Variants in NCAPD3 observed in about 807,000 individuals in gnomAD.
The protein encoded by NCAPD3 is condensin-2 complex subunit D3.
A neutral mutation model predicts 182.9 loss-of-function variants in NCAPD3; 105 were observed. The ratio of observed to expected loss-of-function variants is 0.57; its 90% confidence interval spans 0.49 to 0.68. The LOEUF (loss-of-function observed/expected upper bound fraction) is 0.68. Among genes scored for constraint, NCAPD3 ranks in the 30% least tolerant of loss-of-function variants. The probability of loss-of-function intolerance (pLI) is 0.00; values close to 1 mark genes in which losing one functional copy is unlikely to be tolerated. For synonymous variants in NCAPD3, 815 were observed against 679.9 expected, an observed-to-expected ratio of 1.20 and a Z score of -3.09; for missense variants, 1,944 against 1,837.0, an observed-to-expected ratio of 1.06 and a Z score of -1.07.
Position 134,194,022 on chromosome 11 carries a change from G to A in NCAPD3, c.1818C>T (p.Leu606=). 6.2e-7 allele frequency: 1 copy of A among 1,613,416 alleles called. No homozygotes were observed. Among genetic ancestry groups the A allele is most frequent in the Non-Finnish European group, 8.5e-7 (1 of 1,179,620 alleles). ...ATAATGTCCTGCCTCTCACCATAAG[G>A]AGTTCAGTAAGAGACTGGAGGGCCT... ...RKQALQSLTE[L]LMAQPRCVQI... The change falls in exon 15 of 35, where the codon CTC becomes CTT. Residue 606 remains leucine (L), a synonymous_variant. Coordinates refer to ENST00000534548, the MANE Select transcript of NCAPD3 (RefSeq NM_015261.3).
At chr11:134,171,562 C>G (rs538147826) in intron 24 of NCAPD3, among the ~76,000 whole-genome samples, 1 of 152,276 alleles carries the variant, frequency 6.6e-6, no homozygotes, top group South Asian at 2.1e-4. Flanking sequence ...CAGGTTAGGA[C>G]TGGGGCTCAG....
chr11:134,174,819 T>C (rs773956311), intron 24 of NCAPD3, among the ~76,000 whole-genome samples: 48 of 152,342 alleles, frequency 3.2e-4, no homozygotes, highest in Non-Finnish European at 5.0e-4. Flanking sequence ...GCTCTATACA[T>C]GTATCAAAAC....
rs779293742 is a variant in NCAPD3 at position 134,203,247 on chromosome 11, G to C, written c.1469-49C>G. 14 of 1,304,578 alleles carry C rather than the reference G, an allele frequency of 1.1e-5. No individual in the cohort carries two copies. In the South Asian group the frequency reaches 1.6e-4, roughly 15 times the overall value. The allele number at this position is 1,304,578 out of a possible 1,614,324, so 80.8% of individuals were successfully genotyped here. On this transcript the variant is annotated intron_variant, in intron 11 of 34. Coordinates refer to ENST00000534548, the MANE Select transcript of NCAPD3 (RefSeq NM_015261.3). ...AAGGAAGAAGTCAGTATCATAAACTGAGTAATTATCCACGGAGGAATCAAA... is the reference window on the plus strand; with the variant it reads ...AAGGAAGAAGTCAGTATCATAAACTCAGTAATTATCCACGGAGGAATCAAA...
chr11:134,180,295 G>A (rs1294410646), intron 20 of NCAPD3, among the ~76,000 whole-genome samples: 1 of 152,002 alleles, frequency 6.6e-6, no homozygotes, highest in Non-Finnish European at 1.5e-5. Context: ...GGAGAGCTAG[G>A]CCAACAAGCA....
intron 2 of NCAPD3, 67 bp downstream of exon 2, chr11:134,220,505 T>C: frequency 6.8e-7 from 1 of 1,471,806 alleles, no homozygotes; most frequent in Non-Finnish European, 9.4e-7. Context: ...AGCTTCAGAT[T>C]ATAATAATGA....
At chr11:134,176,434 A>G in intron 23 of NCAPD3, 48 bp from the exon 24 acceptor site, 1 of 1,533,888 alleles carries the variant, frequency 6.5e-7, no homozygotes, top group Admixed American at 1.7e-5. Flanking sequence ...ATCATGGGCA[A>G]GCCTCACTGT....
chr11:134,193,929 T>C, intron 15 of NCAPD3, 87 bp downstream of exon 15: 1 of 1,394,882 alleles, frequency 7.2e-7, no homozygotes, highest in Non-Finnish European at 9.8e-7. Flanking sequence ...AAAGGTCAAC[T>C]TAACGTTTAG....
intron 1 of NCAPD3, among the ~76,000 whole-genome samples, chr11:134,221,773 G>T (rs891147697): frequency 7.2e-5 from 11 of 152,136 alleles, no homozygotes; most frequent in Admixed American, 7.2e-4. Context: ...AAAATGAAAG[G>T]CCTTACACTC....
Position 134,203,741 on chromosome 11 carries a change from G to A in NCAPD3, c.1381C>T (p.Arg461Cys), listed in dbSNP as rs758684988. The A allele has an allele frequency of 1.9e-6, 3 of 1,614,070 alleles. No homozygotes were observed. The highest frequency in any genetic ancestry group is 1.3e-5 in the African/African-American group (1 of 74,994). The change falls in exon 11 of 35, where the codon CGC becomes TGC. Residue 461 changes from arginine to cysteine, a missense_variant. Around this residue, in one of 3 missense-constraint regions of NCAPD3, gnomAD observed 1,803 missense variants for 1,674.6 expected, o/e 1.08. Coordinates refer to ENST00000534548, the MANE Select transcript of NCAPD3 (RefSeq NM_015261.3). The part of the protein sequence containing the change: ...DRCLDKAPTV[R>C]SKALSSFAHC... ...GCAAAGCTGGACAGTGCCTTGCTGC[G>A]GACAGTAGGCGCCTTGTCTAAGCAA...
At chr11:134,185,219 T>G in intron 17 of NCAPD3, 116 bp downstream of exon 17, 1 of 1,022,974 alleles carries the variant, frequency 9.8e-7, no homozygotes, top group Non-Finnish European at 1.4e-6. Context: ...TATACCAGGT[T>G]TTAAACAGAA....
chr11:134,174,092 C>T (rs779940521), intron 24 of NCAPD3, among the ~76,000 whole-genome samples: 86 of 151,944 alleles, frequency 5.7e-4, no homozygotes, highest in Non-Finnish European at 1.0e-3. Flanking sequence ...TTAGCAGAAA[C>T]ACACGAAAAA....
intron 22 of NCAPD3, 173 bp from the exon 23 acceptor site, chr11:134,177,630 G>C: frequency 3.3e-6 from 2 of 602,848 alleles, no homozygotes; most frequent in South Asian, 2.1e-5. Context: ...TTGAATAGTC[G>C]AATAAAAATA....
chr11:134,153,020 G>C lies in NCAPD3; in HGVS notation c.4421C>G (p.Ser1474Cys), dbSNP rs375523489. 1.3e-5 allele frequency: 20 copies of C among 1,595,134 alleles called. No individual in the cohort carries two copies. In the African/African-American group the frequency reaches 1.7e-4, roughly 14 times the overall value. ...TGGAGTGTCTTTATTCCTGGCGGGAGACCGCACATTCCACTGCTGAGGCTG... is the reference window on the plus strand; with the variant it reads ...TGGAGTGTCTTTATTCCTGGCGGGACACCGCACATTCCACTGCTGAGGCTG... ...PPQPQQWNVR[S>C]PARNKDTPAC... Residue 1474 changes from serine to cysteine, a missense_variant, in exon 35 of 35, where the codon TCT becomes TGT. Physicochemically the swap from Ser to Cys is moderately radical, Grantham distance 112 (BLOSUM62 -1). This residue lies in a region of NCAPD3 where 1,803 missense variants were observed against 1,674.6 expected (regional missense o/e 1.08). Transcript: ENST00000534548.
chr11:134,158,576 T>C, intron 29 of NCAPD3, 81 bp from the exon 30 acceptor site: 2 of 1,437,992 alleles, frequency 1.4e-6, no homozygotes, highest in Non-Finnish European at 1.9e-6. Flanking sequence ...TGTACATGGT[T>C]GGGGGTCCAT....
intron 8 of NCAPD3, among the ~76,000 whole-genome samples, chr11:134,206,368 C>T (rs1326397678): frequency 2.0e-5 from 3 of 152,192 alleles, no homozygotes; most frequent in Admixed American, 1.3e-4. Flanking sequence ...TGGAGGCTGG[C>T]GCTGGCCCGT....
At chr11:134,159,869 A>T in intron 29 of NCAPD3, 23 bp downstream of exon 29, 2 of 1,604,104 alleles carry the variant, frequency 1.2e-6, no homozygotes, top group Non-Finnish European at 8.5e-7. Flanking sequence ...GTCTGGTCAC[A>T]GTGCAGTGGG....
At chr11:134,155,434 C>A (rs1268272847) in intron 32 of NCAPD3, among the ~76,000 whole-genome samples, 2 of 152,134 alleles carry the variant, frequency 1.3e-5, no homozygotes, top group African/African-American at 4.8e-5. Context: ...TAAAGAGAGA[C>A]GGACAGAGAC....
chr11:134,157,556 AG>A (rs1377073553), intron 31 of NCAPD3, among the ~76,000 whole-genome samples: 1 of 152,248 alleles, frequency 6.6e-6, no homozygotes, highest in Non-Finnish European at 1.5e-5. Flanking sequence ...AAGGTTGGAA[AG>A]AAAAGTTCAT....
chr11:134,218,943 CCTCTTTCACACAGG>C (rs2136031873), intron 2 of NCAPD3, among the ~76,000 whole-genome samples: 1 of 152,304 alleles, frequency 6.6e-6, no homozygotes, highest in South Asian at 2.1e-4. Context: ...CCCACTGTAA[CCTCTTTCACACAGG>C]CTGCTTGAGG....
Sources: allele counts gnomAD v4.1 joint callset (sites outside exome capture counted in the v4.1 genomes callset), GRCh38; gene constraint gnomAD v4.1.1; regional missense constraint gnomAD v4.1.1; transcripts MANE v1.5; gene names NCBI Gene and HGNC (gene_info 2026-07-23, HGNC 2026-07-21).